The following GNAQ variants were observed in gnomAD, a reference collection of about 807,000 sequenced individuals.
GNAQ encodes the protein G protein subunit alpha q.
In GNAQ, 8 loss-of-function variants were observed where a neutral mutation model predicts 43.9. The ratio of observed to expected loss-of-function variants is 0.18; its 90% CI spans 0.11 to 0.33. The LOEUF (loss-of-function observed/expected upper bound fraction) is 0.33, where lower values mean the gene tolerates loss of function less well. Ranked by LOEUF, GNAQ falls within the 10% of genes least tolerant of loss-of-function variation. The probability of loss-of-function intolerance (pLI) is 1.00; values close to 1 mark genes in which losing one functional copy is unlikely to be tolerated. For synonymous variants in GNAQ, 155 were observed against 170.7 expected, an observed-to-expected ratio of 0.91 and a Z score of 0.71; for missense variants, 158 against 450.8, an observed-to-expected ratio of 0.35 and a Z score of 5.88.
At chr9:77,920,445 C>A (rs1230331548) in intron 2 of GNAQ, among the ~76,000 whole-genome samples, 1 of 152,104 alleles carries the variant, frequency 6.6e-6, no homozygotes, top group Non-Finnish European at 1.5e-5. Flanking sequence ...AGGCAGAATT[C>A]ATCAGATCAT....
At chr9:77,794,312 A>AG in intron 5 of GNAQ, 151 bp downstream of exon 5, 2 of 476,226 alleles carry the variant, frequency 4.2e-6, no homozygotes, top group Non-Finnish European at 7.4e-6. Context: ...AGCTTACCAC[A>AG]GGATTATTTT....
At chr9:77,958,675 T>C (rs1823071463) in intron 1 of GNAQ, among the ~76,000 whole-genome samples, 1 of 152,208 alleles carries the variant, frequency 6.6e-6, no homozygotes, top group Non-Finnish European at 1.5e-5. Flanking sequence ...TGAGGTCCTC[T>C]ATGGTCAGCC....
intron 3 of GNAQ, among the ~76,000 whole-genome samples, chr9:77,810,052 T>G (rs1397579139): frequency 6.6e-6 from 1 of 152,202 alleles, no homozygotes; most frequent in Non-Finnish European, 1.5e-5. Context: ...CCTTCTTGAC[T>G]TTATAAATAT....
intron 1 of GNAQ, among the ~76,000 whole-genome samples, chr9:77,987,633 C>A (rs995570610): frequency 1.1e-4 from 17 of 152,286 alleles, no homozygotes; most frequent in African/African-American, 3.9e-4. Context: ...TAAGCAACAT[C>A]GTACCAGGTC....
chr9:77,761,931 CG>C (rs1564103112), intron 5 of GNAQ, among the ~76,000 whole-genome samples: 1 of 131,446 alleles, frequency 7.6e-6, no homozygotes, highest in Non-Finnish European at 1.7e-5. Flanking sequence ...CCAGCCGCCC[CG>C]TCCGGGAGGG....
At chr9:77,830,270 T>C (rs1347905537) in intron 2 of GNAQ, among the ~76,000 whole-genome samples, 5 of 152,146 alleles carry the variant, frequency 3.3e-5, no homozygotes, top group African/African-American at 1.2e-4. Flanking sequence ...GGTTTTCTAA[T>C]GCCCCCCCAA....
At chr9:77,990,563 G>T (rs1823495686) in intron 1 of GNAQ, among the ~76,000 whole-genome samples, 1 of 152,062 alleles carries the variant, frequency 6.6e-6, no homozygotes, top group Non-Finnish European at 1.5e-5. Context: ...AAGGCTCCAG[G>T]TTTTTCACAC....
At chr9:77,729,775 T>TAA (rs894301310) in intron 5 of GNAQ, among the ~76,000 whole-genome samples, 2 of 152,212 alleles carry the variant, frequency 1.3e-5, no homozygotes, top group African/African-American at 4.8e-5. Context: ...CCTGGGATTG[T>TAA]GCCCACCTCT....
At chr9:77,963,707 G>A (rs899203444) in intron 1 of GNAQ, among the ~76,000 whole-genome samples, 1 of 152,160 alleles carries the variant, frequency 6.6e-6, no homozygotes, top group African/African-American at 2.4e-5. Flanking sequence ...CTTATTATGA[G>A]AGTGGTTTGA....
chr9:77,773,475 T>A (rs1015988313), intron 5 of GNAQ, among the ~76,000 whole-genome samples: 7 of 152,240 alleles, frequency 4.6e-5, no homozygotes, highest in Non-Finnish European at 1.0e-4. Context: ...ATCCTCATTC[T>A]TCACATTATG....
At chr9:77,762,194 A>C (rs1379594713) in intron 5 of GNAQ, among the ~76,000 whole-genome samples, 5 of 109,768 alleles carry the variant, frequency 4.6e-5, no homozygotes, top group South Asian at 3.5e-4. Flanking sequence ...GGCCACCCCT[A>C]CTGGGAAGTG....
chr9:77,976,363 T>A (rs917841762), intron 1 of GNAQ, among the ~76,000 whole-genome samples: 1 of 152,052 alleles, frequency 6.6e-6, no homozygotes, highest in Non-Finnish European at 1.5e-5. Context: ...GGCTTGGTTT[T>A]TGTTTTTTGG....
At chr9:77,775,908 G>C (rs1412588795) in intron 5 of GNAQ, among the ~76,000 whole-genome samples, 1 of 152,156 alleles carries the variant, frequency 6.6e-6, no homozygotes, top group Admixed American at 6.5e-5. Context: ...CTGGGTGACA[G>C]AGCACGACTC....
At position 77,787,867 on chromosome 9, in the gene GNAQ, T is replaced by C. The variant is rs1037393367; in HGVS notation, c.735+6596A>G. On this transcript the variant is annotated intron_variant, in intron 5 of 6. Transcript: ENST00000286548. ...CAACATGGTGAAACCCCACCTCTAC[T>C]AAAAATACAAAAATTAGCCGGGCAT... Among the ~76,000 whole-genome samples the C allele has an allele frequency of 6.6e-5, 10 of 152,018 alleles. 1 individual carries two copies. Among genetic ancestry groups the C allele is most frequent in the South Asian group, 2.1e-4 (1 of 4,824 alleles).
At chr9:77,849,619 A>G (rs1187075370) in intron 2 of GNAQ, among the ~76,000 whole-genome samples, 1 of 151,946 alleles carries the variant, frequency 6.6e-6, no homozygotes, top group Non-Finnish European at 1.5e-5. Context: ...TTCCACCTCC[A>G]CCACAGTTCC....
chr9:77,980,099 A>G (rs934666653), intron 1 of GNAQ, among the ~76,000 whole-genome samples: 1 of 152,204 alleles, frequency 6.6e-6, no homozygotes, highest in African/African-American at 2.4e-5. Context: ...AATCCTGGAT[A>G]AACTACGTTC....
chr9:78,005,091 A>G (rs2118562985), intron 1 of GNAQ, among the ~76,000 whole-genome samples: 1 of 152,228 alleles, frequency 6.6e-6, no homozygotes, highest in African/African-American at 2.4e-5. Flanking sequence ...TTGCTCTATC[A>G]CCCAGGCTGG....
chr9:77,808,976 G>A (rs550363653), intron 3 of GNAQ, among the ~76,000 whole-genome samples: 6 of 152,294 alleles, frequency 3.9e-5, no homozygotes, highest in Non-Finnish European at 7.4e-5. Context: ...TGACTCATCA[G>A]TCAGCAACTT....
At chr9:77,797,729 A>T in intron 3 of GNAQ, 81 bp from the exon 4 acceptor site, 1 of 1,236,744 alleles carries the variant, frequency 8.1e-7, no homozygotes, top group Non-Finnish European at 1.2e-6. Context: ...GACAAAAATG[A>T]GTCCTAACAG....
Sources: gnomAD v4.1 joint callset for allele counts (sites outside exome capture counted in the v4.1 genomes callset) on GRCh38, gnomAD v4.1.1 for gene constraint, MANE v1.5 for transcripts, NCBI Gene and HGNC (gene_info 2026-07-23, HGNC 2026-07-21) for gene names.